ABCA8: variants seen among roughly 807,000 people sequenced by gnomAD.
The protein encoded by ABCA8 is ABC-type organic anion transporter ABCA8.
A neutral mutation model predicts 192.3 loss-of-function variants in ABCA8; 177 were observed. That is an observed-to-expected ratio of 0.92 (90% CI 0.81 to 1.04). ABCA8 has a LOEUF of 1.04. Among genes scored for constraint, ABCA8 ranks in the 50% least tolerant of loss-of-function variants. The pLI is 0.00. For missense variants in ABCA8, 1,915 were observed against 1,904.8 expected (o/e 1.01, Z -0.10); for synonymous variants, 642 against 690.2 (o/e 0.93, Z 1.09).
chr17:68,868,432 G>T, intron 38 of ABCA8, 76 bp from the exon 39 acceptor site: 1 of 1,292,306 alleles, frequency 7.7e-7, no homozygotes, highest in South Asian at 1.3e-5. Context: ...TAGTACAAAT[G>T]ATATATTTTT....
At chr17:68,891,718 C>G (rs994029286) in intron 23 of ABCA8, 122 bp from the exon 24 acceptor site, 1 of 652,122 alleles carries the variant, frequency 1.5e-6, no homozygotes, top group African/African-American at 1.9e-5. Context: ...TTTGAGATTC[C>G]CAGATTCCTT....
chr17:68,928,185 GGAGAC>G (rs2067756011), intron 9 of ABCA8, 122 bp from the exon 10 acceptor site: 1 of 719,740 alleles, frequency 1.4e-6, no homozygotes, highest in Non-Finnish European at 2.1e-6. Flanking sequence ...AGTTATATAG[GGAGAC>G]TGCCTCCTTT....
chr17:68,914,758 C>T (rs997872720), intron 17 of ABCA8, among the ~76,000 whole-genome samples: 4 of 152,090 alleles, frequency 2.6e-5, no homozygotes, highest in Non-Finnish European at 5.9e-5. Flanking sequence ...TATCAAAATA[C>T]CAATGACATT....
Position 68,876,511 on chromosome 17 carries a change from A to G in ABCA8, c.4319T>C (p.Leu1440Pro). 1.2e-6 allele frequency: 2 copies of G among 1,614,046 alleles called. No homozygotes were observed. The change falls in exon 35 of 40, where the codon CTT becomes CCT. Residue 1440 changes from leucine (L) to proline (P), a missense_variant. Transcript: ENST00000586539. Reference sequence around the variant, plus strand: ...CATCCCGGTCGACGGCTCATCCAGAAGCACCACTGACGGGTTCCCCAGTAT... The same window carrying G: ...CATCCCGGTCGACGGCTCATCCAGAGGCACCACTGACGGGTTCCCCAGTAT... Reference protein sequence around the residue: ...LSILGNPSVVLLDEPSTGMDP... With the variant: ...LSILGNPSVVPLDEPSTGMDP...
chr17:68,882,049 C>G (rs1182173515), intron 30 of ABCA8, 69 bp from the exon 31 acceptor site: 21 of 1,358,112 alleles, frequency 1.5e-5, no homozygotes, highest in East Asian at 6.9e-5. Flanking sequence ...AAAATTCCAT[C>G]TTCCCATTGG....
chr17:68,896,527 A>C (rs1010532210), intron 21 of ABCA8, among the ~76,000 whole-genome samples: 8 of 152,016 alleles, frequency 5.3e-5, no homozygotes, highest in Non-Finnish European at 1.0e-4. Flanking sequence ...CGTATCGTCC[A>C]CTCTGTCCTG....
chr17:68,884,834 T>C, intron 27 of ABCA8: 2 of 985,378 alleles, frequency 2.0e-6, no homozygotes, highest in Non-Finnish European at 2.4e-6. Flanking sequence ...AAAAAGGACT[T>C]TGCTTATCTT....
chr17:68,947,145 T>C (rs969022759), intron 2 of ABCA8, among the ~76,000 whole-genome samples: 2 of 152,218 alleles, frequency 1.3e-5, no homozygotes, highest in Non-Finnish European at 2.9e-5. Context: ...TGCATTAAAT[T>C]TATTGATTCA....
intron 37 of ABCA8, among the ~76,000 whole-genome samples, 171 bp from the exon 38 acceptor site, chr17:68,869,950 A>G (rs1384803866): frequency 2.6e-5 from 4 of 152,110 alleles, no homozygotes; most frequent in African/African-American, 9.7e-5. Flanking sequence ...ACTGTTGACT[A>G]TGAGTATGTA....
intron 21 of ABCA8, among the ~76,000 whole-genome samples, chr17:68,901,083 T>G (rs975492973): frequency 6.6e-6 from 1 of 152,230 alleles, no homozygotes; most frequent in African/African-American, 2.4e-5. Context: ...AGTGTTATTT[T>G]GTTCAATCTC....
chr17:68,937,904 T>C (rs896912904), intron 4 of ABCA8, among the ~76,000 whole-genome samples: 4 of 152,162 alleles, frequency 2.6e-5, no homozygotes, highest in Non-Finnish European at 4.4e-5. Flanking sequence ...ATAATATCAT[T>C]ACAAAATATT....
At chr17:68,931,785 T>A in intron 7 of ABCA8, 1 of 141,246 alleles carries the variant, frequency 7.1e-6, no homozygotes, top group East Asian at 2.1e-4. Context: ...TTTTTTTTTT[T>A]TGTCCATCAC....
In ABCA8 at chr17:68,881,966, A is replaced by G. The variant is rs2066347560; in HGVS notation, c.3843T>C (p.Ile1281=). The G allele has an allele frequency of 9.3e-6, 15 of 1,613,718 alleles. No individual in the cohort carries two copies. The East Asian group carries it at 3.3e-4, about 36-fold the overall frequency. The change falls in exon 31 of 40, where the codon ATT becomes ATC. Residue 1281 remains isoleucine (I), a synonymous_variant. Transcript: ENST00000586539. ...STNFDEKPVI[I]ASCLRKEYAG... ...CATACTCCTTGCGTAGACAGCTGGCAATGATGACTGGCTTCTGTAAATGAC... is the reference window on the plus strand; with the variant it reads ...CATACTCCTTGCGTAGACAGCTGGCGATGATGACTGGCTTCTGTAAATGAC...
chr17:68,913,593 C>A (rs992647623), intron 17 of ABCA8, among the ~76,000 whole-genome samples: 1 of 152,016 alleles, frequency 6.6e-6, no homozygotes, highest in African/African-American at 2.4e-5. Flanking sequence ...TATTTAGTGG[C>A]TACTATGAGC....
intron 37 of ABCA8, among the ~76,000 whole-genome samples, chr17:68,872,812 A>G (rs553941799): frequency 2.0e-5 from 3 of 152,192 alleles, no homozygotes; most frequent in African/African-American, 7.2e-5. Context: ...AAAACAAATG[A>G]ATAATTTTAG....
rs2068685107 is a variant in ABCA8 at position 68,955,362 on chromosome 17, C to T, written c.-310G>A. 1 of 152,152 alleles carries T rather than the reference C, an allele frequency of 6.6e-6. No individual in the cohort carries two copies. Among genetic ancestry groups the T allele is most frequent in the African/African-American group, 2.4e-5 (1 of 41,450 alleles). 9.4% of individuals were successfully genotyped at this position (152,152 alleles called of 1,614,324 possible). A position where few individuals can be genotyped will look rare whatever the true frequency, so the allele number is the denominator to read the frequency against. ...ACTATTTGACTTCTGTGAAAAGTTTCTGTGAAGACTGCTTTCAGAGTGGAG... is the reference window on the plus strand; with the variant it reads ...ACTATTTGACTTCTGTGAAAAGTTTTTGTGAAGACTGCTTTCAGAGTGGAG... On this transcript the variant is annotated 5_prime_UTR_variant, in exon 1 of 40. Transcript: ENST00000586539.
chr17:68,878,134 G>C (rs1324164727), intron 32 of ABCA8: 2 of 153,424 alleles, frequency 1.3e-5, no homozygotes, highest in Non-Finnish European at 2.9e-5. Flanking sequence ...AATGAATCAG[G>C]CAATAAACAA....
intron 14 of ABCA8, 120 bp from the exon 15 acceptor site, chr17:68,918,666 G>A: frequency 9.9e-7 from 1 of 1,011,004 alleles, no homozygotes; most frequent in Non-Finnish European, 1.4e-6. Context: ...AGGCGCGGTG[G>A]CTCATACCCA....
chr17:68,949,141 G>A (rs2068498823), intron 2 of ABCA8, among the ~76,000 whole-genome samples, 171 bp downstream of exon 2: 1 of 152,240 alleles, frequency 6.6e-6, no homozygotes, highest in Middle Eastern at 3.4e-3. Flanking sequence ...TTTGGTTACT[G>A]TAGCCTCCTA....
Sources: allele counts gnomAD v4.1 joint callset (sites outside exome capture counted in the v4.1 genomes callset), GRCh38; gene constraint gnomAD v4.1.1; transcripts MANE v1.5; gene names NCBI Gene and HGNC (gene_info 2026-07-23, HGNC 2026-07-21).